The following ELMO1 variants were observed in gnomAD, a reference collection of about 807,000 sequenced individuals.
ELMO1 encodes engulfment and cell motility 1, also known as engulfment and cell motility protein 1.
ELMO1 carries 26 observed loss-of-function variants against 98.9 expected under a neutral mutation model. That is an observed-to-expected ratio of 0.26 (90% confidence interval 0.19 to 0.36). ELMO1 has a LOEUF of 0.36. ELMO1 is among the 10% of genes least tolerant of loss of function. The probability of loss-of-function intolerance (pLI) is 1.00; values close to 1 mark genes in which losing one functional copy is unlikely to be tolerated. For missense variants in ELMO1, 627 were observed against 935.2 expected, an observed-to-expected ratio of 0.67 and a Z score of 4.30; for synonymous variants, 346 against 346.0, an observed-to-expected ratio of 1.00 and a Z score of 0.00.
chr7:37,332,217 T>C (rs1481156600), intron 2 of ELMO1, among the ~76,000 whole-genome samples: 1 of 152,238 alleles, frequency 6.6e-6, no homozygotes, highest in Non-Finnish European at 1.5e-5. Flanking sequence ...ATTTATAAAA[T>C]GTAATAATGT....
At chr7:36,973,505 T>C (rs1188557954) in intron 16 of ELMO1, among the ~76,000 whole-genome samples, 1 of 152,142 alleles carries the variant, frequency 6.6e-6, no homozygotes, top group East Asian at 1.9e-4. Flanking sequence ...TTCCAGTCCA[T>C]CATTAGGATG....
At chr7:37,244,128 T>TTACA (rs1466712380) in intron 7 of ELMO1, among the ~76,000 whole-genome samples, 1 of 152,098 alleles carries the variant, frequency 6.6e-6, no homozygotes, top group African/African-American at 2.4e-5. Flanking sequence ...CACTTAGTGG[T>TTACA]TACATACATA....
chr7:37,248,032 C>T (rs1426013098), intron 6 of ELMO1, among the ~76,000 whole-genome samples: 2 of 151,554 alleles, frequency 1.3e-5, no homozygotes, highest in African/African-American at 4.9e-5. Context: ...CATCCCTGAC[C>T]TTGGAGAGCT....
chr7:37,318,278 C>G (rs1799312167), intron 2 of ELMO1, among the ~76,000 whole-genome samples: 1 of 152,124 alleles, frequency 6.6e-6, no homozygotes, highest in African/African-American at 2.4e-5. Flanking sequence ...GCCAGAGATC[C>G]CTGTAGGCCA....
chr7:37,199,648 T>C (rs1584798428), intron 13 of ELMO1, among the ~76,000 whole-genome samples: 1 of 152,070 alleles, frequency 6.6e-6, no homozygotes, highest in South Asian at 2.1e-4. Context: ...CAGATGGAAA[T>C]GGTGGCAACA....
At chr7:37,388,248 C>T (rs1207476797) in intron 1 of ELMO1, among the ~76,000 whole-genome samples, 2 of 152,132 alleles carry the variant, frequency 1.3e-5, no homozygotes, top group East Asian at 1.9e-4. Context: ...AAGTGCCCAC[C>T]ACCAGAGGAG....
chr7:37,045,648 TAA>T (rs1283862822), intron 15 of ELMO1, among the ~76,000 whole-genome samples: 1 of 152,130 alleles, frequency 6.6e-6, no homozygotes, highest in Non-Finnish European at 1.5e-5. Context: ...AGAGGTTTTT[TAA>T]AAAAATATAT....
chr7:37,356,534 C>CA (rs1024570713), intron 1 of ELMO1, among the ~76,000 whole-genome samples: 1 of 152,112 alleles, frequency 6.6e-6, no homozygotes, highest in African/African-American at 2.4e-5. Context: ...GAAAACCAAA[C>CA]ACCCCATGTT....
chr7:37,390,585 C>A (rs1281387716), intron 1 of ELMO1, among the ~76,000 whole-genome samples: 1 of 152,126 alleles, frequency 6.6e-6, no homozygotes, highest in African/African-American at 2.4e-5. Context: ...AATTCTATTT[C>A]TAATCCTTTT....
At chr7:37,099,043 G>A (rs2129261846) in intron 14 of ELMO1, among the ~76,000 whole-genome samples, 1 of 152,294 alleles carries the variant, frequency 6.6e-6, no homozygotes, top group African/African-American at 2.4e-5. Flanking sequence ...AAATGCTTGG[G>A]AAACATTTCC....
chr7:37,036,380 ATTTGT>A (rs1196035621), intron 15 of ELMO1, among the ~76,000 whole-genome samples: 3 of 152,090 alleles, frequency 2.0e-5, no homozygotes, highest in Non-Finnish European at 2.9e-5. Flanking sequence ...TTATTTATTT[ATTTGT>A]TTTAAGACAG....
intron 5 of ELMO1, among the ~76,000 whole-genome samples, chr7:37,267,793 G>A (rs548626900): frequency 1.3e-5 from 2 of 152,190 alleles, no homozygotes; most frequent in East Asian, 1.9e-4. Flanking sequence ...CTTTTGGGAC[G>A]GTTTCTTGAT....
chr7:36,934,660 C>CA (rs747515750), intron 16 of ELMO1, among the ~76,000 whole-genome samples: 1 of 152,190 alleles, frequency 6.6e-6, no homozygotes, highest in East Asian at 1.9e-4. Flanking sequence ...TAATAATGGG[C>CA]AAAATAGTTT....
intron 1 of ELMO1, among the ~76,000 whole-genome samples, chr7:37,405,336 C>T (rs909588454): frequency 6.6e-6 from 1 of 152,208 alleles, no homozygotes; most frequent in Non-Finnish European, 1.5e-5. Context: ...CCCCACGCCC[C>T]AGACTCCACC....
chr7:37,027,369 T>C (rs2129183394), intron 15 of ELMO1, among the ~76,000 whole-genome samples: 1 of 152,230 alleles, frequency 6.6e-6, no homozygotes, highest in East Asian at 1.9e-4. Context: ...ACCTGCCCCA[T>C]TTACAGGAAC....
chr7:37,280,485 C>G (rs865963988), intron 4 of ELMO1, among the ~76,000 whole-genome samples: 3 of 151,376 alleles, frequency 2.0e-5, no homozygotes. Context: ...GAATCTACAA[C>G]GAATTCAAAC....
intron 20 of ELMO1, among the ~76,000 whole-genome samples, chr7:36,864,441 C>T (rs1562779998): frequency 6.6e-6 from 1 of 151,954 alleles, no homozygotes; most frequent in Non-Finnish European, 1.5e-5. Context: ...CCAAAGCTGC[C>T]TGGGAGGGGG....
chr7:37,174,342 A>G (rs1790380389), intron 13 of ELMO1, among the ~76,000 whole-genome samples: 1 of 152,172 alleles, frequency 6.6e-6, no homozygotes, highest in African/African-American at 2.4e-5. Context: ...ATCTCTGTTC[A>G]TTGTGTTTGG....
intron 14 of ELMO1, among the ~76,000 whole-genome samples, chr7:37,111,522 CTT>C (rs1393623317): frequency 2.0e-5 from 3 of 152,166 alleles, no homozygotes; most frequent in Non-Finnish European, 4.4e-5. Context: ...TTAAGAAAAA[CTT>C]TTGTACTAGC....
Sources: allele counts gnomAD v4.1 joint callset (sites outside exome capture counted in the v4.1 genomes callset), GRCh38; gene constraint gnomAD v4.1.1; transcripts MANE v1.5; gene names NCBI Gene and HGNC (gene_info 2026-07-23, HGNC 2026-07-21).